The following CHRM2 variants were observed in gnomAD, a reference collection of about 807,000 sequenced individuals.
The protein encoded by CHRM2 is cholinergic receptor muscarinic 2.
A neutral mutation model predicts 25.0 loss-of-function variants in CHRM2; 8 were observed. The ratio of observed to expected loss-of-function variants is 0.32; its 90% CI spans 0.19 to 0.58. CHRM2 has a LOEUF of 0.58. Among genes scored for constraint, CHRM2 ranks in the 20% least tolerant of loss-of-function variants. CHRM2 has a pLI of 0.88. For synonymous variants in CHRM2, 202 were observed against 205.7 expected (o/e 0.98, Z 0.15); for missense variants, 440 against 567.1 (o/e 0.78, Z 2.28).
chr7:136,937,643 T>G (rs1010589666), intron 2 of CHRM2, among the ~76,000 whole-genome samples: 5 of 152,168 alleles, frequency 3.3e-5, no homozygotes, highest in Admixed American at 6.5e-5. Context: ...AACATCTGGT[T>G]CAGTATAATT....
intron 3 of CHRM2, among the ~76,000 whole-genome samples, chr7:137,003,512 ACACACACACACAC>A (rs1563120414): frequency 1.4e-5 from 2 of 146,042 alleles, no homozygotes. Flanking sequence ...ACACACACAC[ACACACACACACAC>A]ACACACACAC....
Position 137,018,141 on chromosome 7 carries a change from A to C in CHRM2, c.*1875A>C, listed in dbSNP as rs1805271722. The C allele has an allele frequency of 1.3e-5, 2 of 151,834 alleles. No homozygotes were observed. Among genetic ancestry groups the C allele is most frequent in the Non-Finnish European group, 2.9e-5 (2 of 67,890 alleles). The allele number at this position is 151,834 out of a possible 1,614,324, so 9.4% of individuals were successfully genotyped here. A position where few individuals can be genotyped will look rare whatever the true frequency, so the allele number is the denominator to read the frequency against. On this transcript the variant is annotated 3_prime_UTR_variant, in exon 4 of 4. Transcript: ENST00000680005. The stretch of plus-strand genomic sequence containing the variant: ...GCACTTAAAAGAATTATTTTGTATG[A>C]TTAGCCTCATAGATGCCACCTCAAC...
chr7:136,949,558 T>C (rs759782224), intron 2 of CHRM2, among the ~76,000 whole-genome samples: 3 of 151,034 alleles, frequency 2.0e-5, no homozygotes, highest in Non-Finnish European at 4.4e-5. Flanking sequence ...AGCCTAGGAG[T>C]TCAAGGATGA....
rs1374822596 is a variant in CHRM2 at position 136,959,553 on chromosome 7, ACT to A, written c.-124-32631_-124-32630del. 5.9e-5 allele frequency among the ~76,000 whole-genome samples: 9 copies of A among 152,108 alleles called. No individual in the cohort carries two copies. In the East Asian group the frequency reaches 1.7e-3, roughly 29 times the overall value. ...GCTTGAATGTGAAGACAGAAACCAA[ACT>A]CTACATTTTTCCATTATGGTGATTT... On this transcript the variant is annotated intron_variant, in intron 2 of 3. Transcript: ENST00000680005.
intron 2 of CHRM2, among the ~76,000 whole-genome samples, chr7:136,975,573 C>T (rs190212463): frequency 2.6e-5 from 4 of 152,174 alleles, no homozygotes; most frequent in East Asian, 3.9e-4. Flanking sequence ...ATAACAAAAC[C>T]CAATGATAAA....
At chr7:136,958,960 T>C (rs992205598) in intron 2 of CHRM2, among the ~76,000 whole-genome samples, 53 of 152,202 alleles carry the variant, frequency 3.5e-4, no homozygotes, top group African/African-American at 1.2e-3. Flanking sequence ...CTCGGTATGG[T>C]CTCTCTGAGG....
At chr7:136,970,517 T>A (rs1380949246) in intron 2 of CHRM2, among the ~76,000 whole-genome samples, 1 of 152,142 alleles carries the variant, frequency 6.6e-6, no homozygotes, top group African/African-American at 2.4e-5. Flanking sequence ...GTGGCTGTGT[T>A]AATTCTTTTA....
intron 2 of CHRM2, among the ~76,000 whole-genome samples, chr7:136,947,550 T>C (rs781763269): frequency 1.3e-5 from 2 of 152,196 alleles, no homozygotes; most frequent in Non-Finnish European, 2.9e-5. Context: ...TCTTTCAACA[T>C]TGCTGGTTTG....
At position 136,927,547 on chromosome 7, in the gene CHRM2, A is replaced by G. The variant is rs534655464; in HGVS notation, c.-125+58129A>G. Among the ~76,000 whole-genome samples, 3 of 152,354 alleles carry G rather than the reference A, an allele frequency of 2.0e-5. No individual in the cohort carries two copies. In the South Asian group the frequency reaches 6.2e-4, roughly 32 times the overall value. On this transcript the variant is annotated intron_variant, in intron 2 of 3. Transcript: ENST00000680005. ...AAAAAAAAGAAGAGAAATATTATTA[A>G]GTAAATTGTACTCTTACAGATCTCT... is the stretch of plus-strand genomic sequence containing the variant.
At chr7:136,983,406 T>C (rs923932689) in intron 2 of CHRM2, among the ~76,000 whole-genome samples, 6 of 152,186 alleles carry the variant, frequency 3.9e-5, no homozygotes, top group African/African-American at 9.7e-5. Context: ...GACTTTGTTA[T>C]TACCCACCTT....
In CHRM2 at chr7:136,921,781, TC is replaced by T; in HGVS notation, c.-125+52364del. Among the ~76,000 whole-genome samples, 2 of 143,602 alleles carry T rather than the reference TC, an allele frequency of 1.4e-5. 1 individual carries two copies. Among genetic ancestry groups the T allele is most frequent in the South Asian group, 4.3e-4 (2 of 4,674 alleles). 94.2% of individuals were successfully genotyped at this position (143,602 alleles called of 152,430 possible). On this transcript the variant is annotated intron_variant, in intron 2 of 3. Transcript: ENST00000680005. ...ATTCATGCAATTTTCTTTCTTTCTTTCTTTCTTTCTTTCTTTTTTTTGAGAC... is the reference window on the plus strand; with the variant it reads ...ATTCATGCAATTTTCTTTCTTTCTTTTTTCTTTCTTTCTTTTTTTTGAGAC...
intron 3 of CHRM2, among the ~76,000 whole-genome samples, chr7:137,006,983 A>T (rs547080512): frequency 1.3e-5 from 2 of 152,254 alleles, no homozygotes; most frequent in African/African-American, 4.8e-5. Flanking sequence ...ACCCACCAGC[A>T]GTATTTTGTA....
chr7:136,934,763 AAAAAATATT>A (rs1799314516), intron 2 of CHRM2, among the ~76,000 whole-genome samples: 1 of 90,134 alleles, frequency 1.1e-5, no homozygotes, highest in African/African-American at 2.8e-5. Flanking sequence ...CAATCTCCAG[AAAAAATATT>A]AAAAATAATA....
intron 2 of CHRM2, among the ~76,000 whole-genome samples, chr7:136,949,798 G>A (rs1584808257): frequency 6.6e-6 from 1 of 151,384 alleles, no homozygotes; most frequent in East Asian, 1.9e-4. Flanking sequence ...GGAGTGCAGT[G>A]GCGCGATCTC....
chr7:137,000,517 TA>T (rs200639449), intron 3 of CHRM2, among the ~76,000 whole-genome samples: 3 of 90,458 alleles, frequency 3.3e-5, no homozygotes, highest in Non-Finnish European at 4.8e-5. Context: ...ATATTATTAT[TA>T]AAAAAAAAGA....
In CHRM2 at chr7:137,015,546, C is replaced by T. The variant is rs766603213; in HGVS notation, c.681C>T (p.Asn227=). Residue 227 remains asparagine (N), a synonymous_variant, in exon 4 of 4, where the codon AAC becomes AAT. Coordinates refer to ENST00000680005, the MANE Select transcript of CHRM2 (RefSeq NM_001006630.2). The surrounding 1 kb of genome is among the most constrained non-coding windows in gnomAD (Gnocchi z 5.1). ...AGGACAAGAAGGAGCCTGTTGCCAACCAAGACCCCGTTTCTCCAAGTCTGG... is the reference window on the plus strand; with the variant it reads ...AGGACAAGAAGGAGCCTGTTGCCAATCAAGACCCCGTTTCTCCAAGTCTGG... The part of the protein sequence containing the change: ...IKKDKKEPVA[N]QDPVSPSLVQ... The T allele has an allele frequency of 6.2e-7, 1 of 1,612,926 alleles. No homozygotes were observed. The highest frequency in any genetic ancestry group is 2.2e-5 in the East Asian group (1 of 44,608).
At chr7:136,953,743 AC>A (rs537184477) in intron 2 of CHRM2, among the ~76,000 whole-genome samples, 14 of 146,008 alleles carry the variant, frequency 9.6e-5, no homozygotes, top group African/African-American at 3.3e-4. Flanking sequence ...AAAAAAAAAA[AC>A]AAATATATTT....
intron 2 of CHRM2, among the ~76,000 whole-genome samples, chr7:136,953,705 C>T (rs988473915): frequency 6.7e-5 from 10 of 148,378 alleles, no homozygotes; most frequent in Admixed American, 5.4e-4. Context: ...TTATGCAGAG[C>T]AGGCATCCTA....
intron 2 of CHRM2, among the ~76,000 whole-genome samples, chr7:136,880,044 A>AT (rs1203525713): frequency 2.3e-5 from 3 of 129,574 alleles, no homozygotes; most frequent in Non-Finnish European, 5.0e-5. Context: ...TTCCTCTTGG[A>AT]TCTTTTTTTT....
Sources: allele counts gnomAD v4.1 joint callset (sites outside exome capture counted in the v4.1 genomes callset), GRCh38; gene constraint gnomAD v4.1.1; non-coding constraint Gnocchi (gnomAD v3.1); transcripts MANE v1.5; gene names NCBI Gene and HGNC (gene_info 2026-07-23, HGNC 2026-07-21).